The following SCAPER variants were observed in gnomAD, a reference collection of about 807,000 sequenced individuals.
SCAPER encodes the protein S-phase cyclin A associated protein in the ER, also known as S phase cyclin A-associated protein in the endoplasmic reticulum.
In SCAPER, 98 loss-of-function variants were observed where a neutral mutation model predicts 182.2. The ratio of observed to expected loss-of-function variants is 0.54; its 90% CI spans 0.46 to 0.64. The LOEUF (loss-of-function observed/expected upper bound fraction) is 0.64. Among genes scored for constraint, SCAPER ranks in the 30% least tolerant of loss-of-function variants. The pLI, the probability that SCAPER is intolerant of heterozygous loss-of-function variation, is 0.00. For synonymous variants in SCAPER, 605 were observed against 564.6 expected (o/e 1.07, Z -1.01); for missense variants, 1,432 against 1,690.0 (o/e 0.85, Z 2.68).
At chr15:76,364,020 C>A (rs2041635875) in intron 29 of SCAPER, among the ~76,000 whole-genome samples, 1 of 152,132 alleles carries the variant, frequency 6.6e-6, no homozygotes, top group African/African-American at 2.4e-5. Flanking sequence ...AACACACACA[C>A]CTTGCTTAAT....
intron 25 of SCAPER, among the ~76,000 whole-genome samples, chr15:76,437,558 A>C (rs1192789214): frequency 6.6e-6 from 1 of 152,232 alleles, no homozygotes; most frequent in Non-Finnish European, 1.5e-5. Context: ...CACTACACAA[A>C]GAATATGAGT....
At chr15:76,813,736 G>T (rs962489944) in intron 5 of SCAPER, among the ~76,000 whole-genome samples, 2 of 151,988 alleles carry the variant, frequency 1.3e-5, no homozygotes, top group African/African-American at 4.8e-5. Flanking sequence ...AAATACTTAG[G>T]AATAAATATA....
chr15:76,391,263 T>G (rs1407589470), intron 27 of SCAPER, among the ~76,000 whole-genome samples: 1 of 152,218 alleles, frequency 6.6e-6, no homozygotes, highest in African/African-American at 2.4e-5. Context: ...TCCTGACCAC[T>G]TCGTCTGCAG....
At chr15:76,459,301 G>A in intron 25 of SCAPER, among the ~76,000 whole-genome samples, 1 of 152,084 alleles carries the variant, frequency 6.6e-6, no homozygotes, top group East Asian at 1.9e-4. Context: ...CTACGTTTTT[G>A]CAAATGACAG....
At chr15:76,352,788 A>C (rs1169021629) in intron 30 of SCAPER, among the ~76,000 whole-genome samples, 2 of 152,160 alleles carry the variant, frequency 1.3e-5, no homozygotes, top group African/African-American at 4.8e-5. Flanking sequence ...CTAAGGCTCT[A>C]AAAATATATG....
intron 25 of SCAPER, among the ~76,000 whole-genome samples, chr15:76,441,460 A>G (rs1278298466): frequency 1.3e-5 from 2 of 152,170 alleles, no homozygotes; most frequent in Non-Finnish European, 1.5e-5. Flanking sequence ...TGCTCAACAC[A>G]TTCCCTGGTA....
At chr15:76,462,218 C>T (rs2049243650) in intron 25 of SCAPER, among the ~76,000 whole-genome samples, 1 of 152,164 alleles carries the variant, frequency 6.6e-6, no homozygotes, top group Admixed American at 6.6e-5. Context: ...GAAACTTACC[C>T]AACGCTGTTC....
At position 76,762,838 on chromosome 15, in the gene SCAPER, GTAGAGA is replaced by G. The variant is rs577171829; in HGVS notation, c.1725+2117_1725+2122del. Among the ~76,000 whole-genome samples, 25 of 152,198 alleles carry G rather than the reference GTAGAGA, an allele frequency of 1.6e-4. No homozygotes were observed. In the South Asian group the frequency reaches 4.6e-3, roughly 28 times the overall value. On this transcript the variant is annotated intron_variant, in intron 14 of 31. Coordinates refer to ENST00000563290, the MANE Select transcript of SCAPER (RefSeq NM_020843.4). ...AATTTTTTTGTTGTTCCTTATTTTT[GTAGAGA>G]TAAAGTCTTGCTATGTCGTCCAGGC...
intron 27 of SCAPER, among the ~76,000 whole-genome samples, chr15:76,401,006 TAGAC>T (rs951795304): frequency 2.6e-5 from 4 of 151,754 alleles, no homozygotes; most frequent in African/African-American, 4.8e-5. Context: ...TTTTGAGTGG[TAGAC>T]AGTATAGTTT....
chr15:76,482,981 A>T (rs1432029776), intron 24 of SCAPER, among the ~76,000 whole-genome samples: 1 of 152,146 alleles, frequency 6.6e-6, no homozygotes, highest in African/African-American at 2.4e-5. Context: ...TACTCCATTG[A>T]TACTGATAAA....
chr15:76,398,287 C>T (rs2044221545), intron 27 of SCAPER, among the ~76,000 whole-genome samples: 1 of 152,240 alleles, frequency 6.6e-6, no homozygotes, highest in Non-Finnish European at 1.5e-5. Flanking sequence ...GAAGCATTTA[C>T]TATGTACCAG....
At chr15:76,469,856 C>T (rs2049994972) in intron 25 of SCAPER, among the ~76,000 whole-genome samples, 1 of 152,072 alleles carries the variant, frequency 6.6e-6, no homozygotes, top group South Asian at 2.1e-4. Flanking sequence ...CAAATGTTAT[C>T]TTTTCTCCTT....
At chr15:76,487,701 A>T (rs2051793559) in intron 24 of SCAPER, among the ~76,000 whole-genome samples, 1 of 152,174 alleles carries the variant, frequency 6.6e-6, no homozygotes, top group African/African-American at 2.4e-5. Context: ...TCTGTTAATT[A>T]AAAAAACCTC....
chr15:76,691,102 C>T (rs2058330442), intron 20 of SCAPER, among the ~76,000 whole-genome samples: 1 of 152,000 alleles, frequency 6.6e-6, no homozygotes, highest in South Asian at 2.1e-4. Flanking sequence ...AAATACCTTA[C>T]AAACTGTCAC....
chr15:76,669,385 TAAAAC>T (rs61671891), intron 20 of SCAPER, among the ~76,000 whole-genome samples: 49,977 of 151,658 alleles, frequency 0.33, 8,415 homozygotes, highest in East Asian at 0.55. Flanking sequence ...CAAAAAAACT[TAAAAC>T]AAATAACCCA....
chr15:76,549,869 T>C (rs1175707971), intron 23 of SCAPER, among the ~76,000 whole-genome samples: 1 of 151,868 alleles, frequency 6.6e-6, no homozygotes, highest in Non-Finnish European at 1.5e-5. Context: ...CTAGAAAACA[T>C]AGGGGAAATG....
chr15:76,663,496 G>T (rs1234818497), intron 21 of SCAPER, among the ~76,000 whole-genome samples: 1 of 151,812 alleles, frequency 6.6e-6, no homozygotes, highest in Non-Finnish European at 1.5e-5. Flanking sequence ...GTAGAATGTG[G>T]TATATCCATA....
Position 76,348,658 on chromosome 15 carries a change from A to T in SCAPER, c.4178T>A (p.Phe1393Tyr). Residue 1393 changes from phenylalanine (F) to tyrosine (Y), a missense_variant, in exon 32 of 32, where the codon TTT (phenylalanine) becomes TAT (tyrosine). Physicochemically the swap from Phe to Tyr is conservative, Grantham distance 22 (BLOSUM62 3). Transcript: ENST00000563290. ...PQQAWEEARQ[F>Y]FLKKEKK Reference sequence around the variant, plus strand: ...TTATTTTTTCTCTTTTTTCAAGAAAAACTGTCGAGCTTCTTCCCAGGCCTG... The same window carrying T: ...TTATTTTTTCTCTTTTTTCAAGAAATACTGTCGAGCTTCTTCCCAGGCCTG... 1 of 1,551,550 alleles carries T rather than the reference A, an allele frequency of 6.4e-7. No homozygotes were observed.
intron 1 of SCAPER, among the ~76,000 whole-genome samples, chr15:76,900,140 G>A (rs995222257): frequency 2.0e-5 from 3 of 152,044 alleles, no homozygotes; most frequent in African/African-American, 7.2e-5. Context: ...CTTGAAGGCA[G>A]CATGCTCGTT....
Sources: gnomAD v4.1 joint callset for allele counts (sites outside exome capture counted in the v4.1 genomes callset) on GRCh38, gnomAD v4.1.1 for gene constraint, MANE v1.5 for transcripts, NCBI Gene and HGNC (gene_info 2026-07-23, HGNC 2026-07-21) for gene names.